The following ZBTB7C variants were observed in gnomAD, a reference collection of about 807,000 sequenced individuals.
The protein encoded by ZBTB7C is zinc finger and BTB domain-containing protein 7C.
A neutral mutation model predicts 25.7 loss-of-function variants in ZBTB7C; 8 were observed. The observed-to-expected ratio is 0.31, with a 90% CI of 0.18 to 0.56. The LOEUF (loss-of-function observed/expected upper bound fraction) is 0.56. Among genes scored for constraint, ZBTB7C ranks in the 20% least tolerant of loss-of-function variants. ZBTB7C has a pLI of 0.91. For missense variants in ZBTB7C, 824 were observed against 855.2 expected, an observed-to-expected ratio of 0.96 and a Z score of 0.46; for synonymous variants, 394 against 369.0, an observed-to-expected ratio of 1.07 and a Z score of -0.78.
chr18:48,367,175 T>TATATATATATATATATATATA (rs2047242433), intron 1 of ZBTB7C, among the ~76,000 whole-genome samples: 8 of 62,246 alleles, frequency 1.3e-4, no homozygotes, highest in African/African-American at 6.0e-4. Context: ...TCCCCAAGTT[T>TATATATATATATATATATATA]TATATATATA....
chr18:48,337,947 G>A (rs1053785041), intron 2 of ZBTB7C, among the ~76,000 whole-genome samples: 1 of 152,200 alleles, frequency 6.6e-6, no homozygotes, highest in African/African-American at 2.4e-5. Flanking sequence ...TAAGGCATAG[G>A]AAGTGAACCC....
chr18:48,125,096 C>T (rs2039756948), intron 3 of ZBTB7C, among the ~76,000 whole-genome samples: 1 of 152,222 alleles, frequency 6.6e-6, no homozygotes, highest in Non-Finnish European at 1.5e-5. Flanking sequence ...AAAATTACAG[C>T]TACTGTGTGC....
intron 2 of ZBTB7C, among the ~76,000 whole-genome samples, chr18:48,267,482 A>G (rs2144550615): frequency 6.6e-6 from 1 of 152,334 alleles, no homozygotes; most frequent in East Asian, 1.9e-4. Flanking sequence ...ATTGTTATCA[A>G]TATGGTAACC....
chr18:48,181,901 T>C (rs886361971), intron 3 of ZBTB7C, among the ~76,000 whole-genome samples: 6 of 152,228 alleles, frequency 3.9e-5, no homozygotes, highest in Admixed American at 6.5e-5. Flanking sequence ...TGTTTTAGGG[T>C]TTACGCTACC....
At chr18:48,411,514 T>C (rs1294562927), upstream of ZBTB7C, among the ~76,000 whole-genome samples, 1 of 152,254 alleles carries the variant, frequency 6.6e-6, no homozygotes, top group African/African-American at 2.4e-5. Flanking sequence ...TAAAGGGTTT[T>C]CAGTTACTTG....
chr18:48,186,758 T>G (rs1416557898), intron 2 of ZBTB7C, among the ~76,000 whole-genome samples: 1 of 152,046 alleles, frequency 6.6e-6, no homozygotes, highest in Admixed American at 6.6e-5. Context: ...CATACGTGGA[T>G]TTTTGGAGGG....
intron 1 of ZBTB7C, among the ~76,000 whole-genome samples, chr18:48,379,260 T>C (rs940722420): frequency 1.8e-4 from 28 of 152,208 alleles, no homozygotes; most frequent in Admixed American, 1.1e-3. Flanking sequence ...TTGATTACCA[T>C]AGCCTAAATT....
chr18:48,268,958 C>CTTTCT (rs2044392965), intron 2 of ZBTB7C, among the ~76,000 whole-genome samples: 1 of 118,996 alleles, frequency 8.4e-6, no homozygotes, highest in African/African-American at 3.2e-5. Context: ...TGCTCTGTTT[C>CTTTCT]TTTTTTTTTT....
intron 1 of ZBTB7C, among the ~76,000 whole-genome samples, chr18:48,341,599 C>T (rs575577444): frequency 6.6e-6 from 1 of 152,322 alleles, no homozygotes; most frequent in South Asian, 2.1e-4. Flanking sequence ...ACATCTGAGG[C>T]ATGAGTGAAT....
At position 48,040,841 on chromosome 18, in the gene ZBTB7C, C is replaced by T; in HGVS notation, c.267G>A (p.Leu89=). ...TGAGCGTGGAGGTGTAGGCGAACTC[C>T]AGGATAGCAGCCAGAGCCTCAGGCT... ...FVQPEALAAI[L]EFAYTSTLTI... is the part of the protein sequence containing the mutation. Residue 89 remains leucine, a synonymous_variant, in exon 4 of 5, where the codon CTG becomes CTA. Transcript: ENST00000590800. 1 of 1,614,104 alleles carries T rather than the reference C, an allele frequency of 6.2e-7. No homozygotes were observed. Among genetic ancestry groups the T allele is most frequent in the South Asian group, 1.1e-5 (1 of 91,070 alleles).
intron 3 of ZBTB7C, among the ~76,000 whole-genome samples, chr18:48,116,073 T>C (rs1023284326): frequency 2.6e-5 from 4 of 151,932 alleles, no homozygotes; most frequent in African/African-American, 9.7e-5. Context: ...AAGTGCTGCA[T>C]TAAAAAAAAA....
rs1335166437 is a variant in ZBTB7C, at chr18:48,245,753, G to A, written c.-78-59758C>T. Among the ~76,000 whole-genome samples, 4 of 152,196 alleles carry A rather than the reference G, an allele frequency of 2.6e-5. No homozygotes were observed. In the East Asian group the frequency reaches 7.7e-4, roughly 29 times the overall value. ...CTAGAGCCGGTTGAGCCCAGGTTGAGAGCTGTGCTCCAGAAAGCAATCAGA... is the reference window on the plus strand; with the variant it reads ...CTAGAGCCGGTTGAGCCCAGGTTGAAAGCTGTGCTCCAGAAAGCAATCAGA... On this transcript the variant is annotated intron_variant, in intron 2 of 4. Coordinates refer to ENST00000590800, the MANE Select transcript of ZBTB7C (RefSeq NM_001318841.2).
intron 2 of ZBTB7C, among the ~76,000 whole-genome samples, chr18:48,271,130 C>T (rs79855457): frequency 6.6e-6 from 1 of 152,070 alleles, no homozygotes; most frequent in African/African-American, 2.4e-5. Context: ...AGGCACTAGA[C>T]CAAGAAGGCT....
intron 3 of ZBTB7C, among the ~76,000 whole-genome samples, chr18:48,125,277 T>C (rs910363860): frequency 3.3e-5 from 5 of 152,172 alleles, no homozygotes; most frequent in African/African-American, 1.2e-4. Context: ...AAGTGGATTC[T>C]TATCCAGTAA....
At chr18:48,165,848 G>A (rs533976796) in intron 3 of ZBTB7C, among the ~76,000 whole-genome samples, 2 of 152,180 alleles carry the variant, frequency 1.3e-5, no homozygotes, top group Admixed American at 6.5e-5. Flanking sequence ...TTTTACAGAT[G>A]AGGAAACTTG....
chr18:48,076,391 G>A (rs1428982675), intron 3 of ZBTB7C, among the ~76,000 whole-genome samples: 1 of 152,186 alleles, frequency 6.6e-6, no homozygotes, highest in Non-Finnish European at 1.5e-5. Context: ...AAGAAAAATG[G>A]AAAGTGCTGG....
intron 1 of ZBTB7C, among the ~76,000 whole-genome samples, chr18:48,387,452 A>C (rs2047775137): frequency 6.6e-6 from 1 of 152,240 alleles, no homozygotes; most frequent in Non-Finnish European, 1.5e-5. Context: ...ACTGGAAAAC[A>C]CGGTCATCTG....
intron 2 of ZBTB7C, among the ~76,000 whole-genome samples, chr18:48,206,787 T>C (rs8096208): frequency 0.92 from 140,259 of 152,272 alleles, 65,206 homozygotes; most frequent in East Asian, 0.99. Flanking sequence ...AATATATGTT[T>C]GTGATCTCAG....
intron 3 of ZBTB7C, among the ~76,000 whole-genome samples, chr18:48,088,863 T>A (rs759248862): frequency 5.9e-5 from 9 of 151,398 alleles, no homozygotes; most frequent in Non-Finnish European, 1.0e-4. Context: ...AGAAGGAAAT[T>A]ATGGGTGTGG....
Sources: allele counts gnomAD v4.1 joint callset (sites outside exome capture counted in the v4.1 genomes callset), GRCh38; gene constraint gnomAD v4.1.1; transcripts MANE v1.5; gene names NCBI Gene and HGNC (gene_info 2026-07-23, HGNC 2026-07-21).